The following NUDT13 variants were observed in gnomAD, a reference collection of about 807,000 sequenced individuals.
NUDT13 encodes nudix hydrolase 13.
Under a neutral mutation model 41.7 loss-of-function variants are expected in NUDT13, and 40 were observed. That is an observed-to-expected ratio of 0.96 (90% CI 0.75 to 1.25). NUDT13 has a LOEUF of 1.25. NUDT13 is among the 50% of genes most tolerant of loss of function. The pLI is 0.00. For synonymous variants in NUDT13, 145 were observed against 155.5 expected (o/e 0.93, Z 0.50); for missense variants, 390 against 416.1 (o/e 0.94, Z 0.55).
intron 2 of NUDT13, 39 bp from the exon 3 acceptor site, chr10:73,119,979 G>A (rs773430286): frequency 1.2e-6 from 2 of 1,606,432 alleles, no homozygotes; most frequent in South Asian, 2.2e-5. Context: ...AGGTAACTAA[G>A]GGTGGTTTTG....
intron 1 of NUDT13, among the ~76,000 whole-genome samples, chr10:73,112,471 T>C (rs1263220869): frequency 1.3e-5 from 2 of 152,048 alleles, no homozygotes; most frequent in African/African-American, 2.4e-5. Context: ...CCTGTTTTTT[T>C]CTCCAGCTTT....
chr10:73,114,339 CTT>C lies in NUDT13; in HGVS notation c.-9-5_-9-4del, dbSNP rs5786099. 14,360 of 1,053,074 alleles carry C rather than the reference CTT, an allele frequency of 0.014. No homozygotes were observed. Among genetic ancestry groups the C allele is most frequent in the South Asian group, 0.029 (1,618 of 55,670 alleles). The allele number at this position is 1,053,074 out of a possible 1,614,324, so 65.2% of individuals were successfully genotyped here. ...CATATTATGACTTTTTTTAAAACTC[CTT>C]TTTTTTTTTTTTAAGGACCTGACAA... On this transcript the variant is annotated splice_polypyrimidine_tract_variant and intron_variant, in intron 1 of 8. Coordinates refer to ENST00000357321, the MANE Select transcript of NUDT13 (RefSeq NM_015901.6).
In NUDT13 at chr10:73,114,327, T is replaced by C. The variant is rs371293789; in HGVS notation, c.-9-30T>C. 104 of 1,196,272 alleles carry C rather than the reference T, an allele frequency of 8.7e-5. No homozygotes were observed. The Middle Eastern group carries it at 1.8e-3, about 20-fold the overall frequency. The allele number at this position is 1,196,272 out of a possible 1,614,324, so 74.1% of individuals were successfully genotyped here. ...TACTTTAAATTTCATATTATGACTT[T>C]TTTTAAAACTCCTTTTTTTTTTTTT... On this transcript the variant is annotated intron_variant, in intron 1 of 8. Transcript: ENST00000357321.
chr10:73,120,107 T>C lies in NUDT13; in HGVS notation c.173T>C (p.Leu58Pro), dbSNP rs375284845. 1.2e-6 allele frequency: 2 copies of C among 1,614,132 alleles called. No homozygotes were observed. The highest frequency in any genetic ancestry group is 1.7e-6 in the Non-Finnish European group (2 of 1,180,046). The change falls in exon 3 of 9, where the codon CTG becomes CCG. Residue 58 changes from leucine to proline, a missense_variant. Coordinates refer to ENST00000357321, the MANE Select transcript of NUDT13 (RefSeq NM_015901.6). Reference sequence around the variant, plus strand: ...TACCTCTTTCATAGTCTGGCTCCTCTGCTTCAGACTTCAGCACATCAATAC... The same window carrying C: ...TACCTCTTTCATAGTCTGGCTCCTCCGCTTCAGACTTCAGCACATCAATAC... ...AFYLFHSLAPLLQTSAHQYLA... is the reference protein window; with the variant it reads ...AFYLFHSLAPPLQTSAHQYLA...
intron 3 of NUDT13, among the ~76,000 whole-genome samples, chr10:73,120,665 G>A (rs747537414): frequency 1.3e-5 from 2 of 152,120 alleles, no homozygotes; most frequent in Non-Finnish European, 2.9e-5. Context: ...ATGGCCAGGC[G>A]CGGTGGCTCA....
rs1842449428 is a variant in NUDT13, at chr10:73,114,422, G to T, written c.57G>T (p.Leu19=). ...GAAAATTTTTTTGGTGCTATAGGCTGCTGTCAACCTATGTTACTAAGACAC... is the reference window on the plus strand; with the variant it reads ...GAAAATTTTTTTGGTGCTATAGGCTTCTGTCAACCTATGTTACTAAGACAC... The part of the protein sequence containing the change: ...CRRKFFWCYR[L]LSTYVTKTRY... Residue 19 remains leucine, a synonymous_variant, in exon 2 of 9, where the codon CTG becomes CTT. Transcript: ENST00000357321. 1.3e-6 allele frequency: 2 copies of T among 1,589,310 alleles called. No homozygotes were observed. Among genetic ancestry groups the T allele is most frequent in the Non-Finnish European group, 1.7e-6 (2 of 1,164,940 alleles).
intron 3 of NUDT13, among the ~76,000 whole-genome samples, chr10:73,121,566 G>C (rs1018325149): frequency 6.6e-6 from 1 of 152,322 alleles, no homozygotes; most frequent in South Asian, 2.1e-4. Context: ...TCTCAGATGA[G>C]TATTTTACTC....
chr10:73,130,756 G>A lies in NUDT13; in HGVS notation c.912G>A (p.Glu304=), dbSNP rs891882966. Residue 304 remains glutamate (E), a synonymous_variant, in exon 9 of 9, where the codon GAG becomes GAA. Coordinates refer to ENST00000357321, the MANE Select transcript of NUDT13 (RefSeq NM_015901.6). Reference sequence around the variant, plus strand: ...CAGCTGCCTGGTTCAGTCATGATGAGGTAGCCACAGCCCTGAAGAGAAAGG... The same window carrying A: ...CAGCTGCCTGGTTCAGTCATGATGAAGTAGCCACAGCCCTGAAGAGAAAGG... The part of the protein sequence containing the change: ...LETAAWFSHD[E]VATALKRKGP... 1.9e-6 allele frequency: 3 copies of A among 1,613,738 alleles called. No individual in the cohort carries two copies. The highest frequency in any genetic ancestry group is 3.3e-5 in the Admixed American group (2 of 59,960).
chr10:73,112,964 T>C (rs1041158254), intron 1 of NUDT13, among the ~76,000 whole-genome samples: 3 of 152,230 alleles, frequency 2.0e-5, no homozygotes, highest in Non-Finnish European at 4.4e-5. Flanking sequence ...CTCTGCTCAC[T>C]GCAACCTCTG....
rs756623261 is a variant in NUDT13 at position 73,130,931 on chromosome 10, T to C, written c.*28T>C. ...CGGATCAAGTCACTTAGATCGCTCC[T>C]TGGTATTCCTGAGGGACAAACTAGA... On this transcript the variant is annotated 3_prime_UTR_variant, in exon 9 of 9. Transcript: ENST00000357321. 6.3e-7 allele frequency: 1 copy of C among 1,580,788 alleles called. No homozygotes were observed. Among genetic ancestry groups the C allele is most frequent in the South Asian group, 1.1e-5 (1 of 90,036 alleles).
intron 2 of NUDT13, among the ~76,000 whole-genome samples, chr10:73,114,672 T>A (rs371353611): frequency 3.3e-5 from 5 of 151,718 alleles, no homozygotes; most frequent in Non-Finnish European, 7.4e-5. Flanking sequence ...CTTATTACAG[T>A]CTTTTGTTAT....
intron 2 of NUDT13, chr10:73,115,055 T>C (rs973847139): frequency 1.3e-5 from 2 of 152,004 alleles, no homozygotes; most frequent in African/African-American, 2.4e-5. Flanking sequence ...TCCTGGAGGG[T>C]GGTGCACCCA....
At chr10:73,119,474 A>G (rs1168934464) in intron 2 of NUDT13, 1 of 984,576 alleles carries the variant, frequency 1.0e-6, no homozygotes, top group Admixed American at 6.1e-5. Flanking sequence ...CACTGAAGAT[A>G]CAGTGTTTAC....
At chr10:73,126,614 C>T (rs1014602768) in intron 7 of NUDT13, 59 bp from the exon 8 acceptor site, 1 of 1,573,326 alleles carries the variant, frequency 6.4e-7, no homozygotes, top group African/African-American at 1.4e-5. Context: ...CTCAAATGGG[C>T]TGTCTGTATC....
chr10:73,122,934 CTT>C lies in NUDT13; in HGVS notation c.358+626_358+627del, dbSNP rs1168726846. Reference sequence around the variant, plus strand: ...TTTTTTTTTGAGGCAGAGTTTCACTCTTGTTGCCCAGGCTGGAGTGCAATGGC... The same window carrying C: ...TTTTTTTTTGAGGCAGAGTTTCACTCGTTGCCCAGGCTGGAGTGCAATGGC... On this transcript the variant is annotated intron_variant, in intron 4 of 8. Transcript: ENST00000357321. 6.4e-5 allele frequency among the ~76,000 whole-genome samples: 9 copies of C among 140,520 alleles called. 1 individual carries two copies. In the Admixed American group the frequency reaches 6.5e-4, roughly 10 times the overall value. 92.2% of individuals were successfully genotyped at this position (140,520 alleles called of 152,430 possible).
intron 4 of NUDT13, 138 bp downstream of exon 4, chr10:73,122,447 A>C: frequency 1.2e-6 from 1 of 805,050 alleles, no homozygotes; most frequent in East Asian, 2.5e-5. Context: ...GGACATTAAA[A>C]AGTGTCATCT....
intron 1 of NUDT13, among the ~76,000 whole-genome samples, chr10:73,111,626 T>A (rs1327362450): frequency 6.6e-6 from 1 of 152,242 alleles, no homozygotes; most frequent in Non-Finnish European, 1.5e-5. Flanking sequence ...CTTTCATCTC[T>A]ATCAAACATT....
intron 4 of NUDT13, among the ~76,000 whole-genome samples, chr10:73,123,080 A>C (rs1842686331): frequency 6.6e-6 from 1 of 150,664 alleles, no homozygotes; most frequent in Middle Eastern, 3.2e-3. Context: ...TTGTATTTTT[A>C]GTAGAGACGG....
At position 73,128,927 on chromosome 10, in the gene NUDT13, T is replaced by A. The variant is rs542147548; in HGVS notation, c.859-1776T>A. On this transcript the variant is annotated intron_variant, in intron 8 of 8. Transcript: ENST00000357321. Reference sequence around the variant, plus strand: ...GTTGGTTTTTGCATATGATGTAAGATAACGGTCCGATTTCATTCTTTTGCA... The same window carrying A: ...GTTGGTTTTTGCATATGATGTAAGAAAACGGTCCGATTTCATTCTTTTGCA... 2.0e-5 allele frequency among the ~76,000 whole-genome samples: 3 copies of A among 152,332 alleles called. No homozygotes were observed. The East Asian group carries it at 5.8e-4, about 29-fold the overall frequency.
Sources: allele counts gnomAD v4.1 joint callset (sites outside exome capture counted in the v4.1 genomes callset), GRCh38; gene constraint gnomAD v4.1.1; transcripts MANE v1.5; gene names NCBI Gene and HGNC (gene_info 2026-07-23, HGNC 2026-07-21).